DSCAM: variants seen among roughly 807,000 people sequenced by gnomAD.
DSCAM encodes cell adhesion molecule DSCAM.
In DSCAM, 47 loss-of-function variants were observed where a neutral mutation model predicts 217.7. The observed-to-expected ratio is 0.22, with a 90% CI of 0.17 to 0.28. DSCAM has a LOEUF of 0.28. Among genes scored for constraint, DSCAM ranks in the 10% least tolerant of loss-of-function variants. DSCAM has a pLI of 1.00. For synonymous variants in DSCAM, 1,056 were observed against 1,015.3 expected, an observed-to-expected ratio of 1.04 and a Z score of -0.76; for missense variants, 2,080 against 2,618.3, an observed-to-expected ratio of 0.79 and a Z score of 4.49.
chr21:40,615,575 C>T (rs1454223690), intron 3 of DSCAM: 1 of 152,116 alleles, frequency 6.6e-6, no homozygotes, highest in African/African-American at 2.4e-5. Context: ...CGAGATCTTT[C>T]ATTATTTTGA....
intron 1 of DSCAM, among the ~76,000 whole-genome samples, chr21:40,758,938 G>A (rs1422184442): frequency 6.6e-6 from 1 of 152,082 alleles, no homozygotes; most frequent in African/African-American, 2.4e-5. Context: ...CCCTTTATCT[G>A]ACCCACAACC....
At chr21:40,759,533 CCTAT>C (rs2091309461) in intron 1 of DSCAM, among the ~76,000 whole-genome samples, 2 of 152,188 alleles carry the variant, frequency 1.3e-5, no homozygotes, top group African/African-American at 4.8e-5. Context: ...AGCTGGCCTG[CCTAT>C]CTCTCTGTCC....
intron 15 of DSCAM, among the ~76,000 whole-genome samples, chr21:40,171,496 C>G (rs1428351120): frequency 6.6e-6 from 1 of 151,764 alleles, no homozygotes; most frequent in Non-Finnish European, 1.5e-5. Context: ...CCTACCAATG[C>G]TGCCATGATT....
At chr21:40,553,144 T>C (rs1048926822) in intron 3 of DSCAM, among the ~76,000 whole-genome samples, 2 of 152,240 alleles carry the variant, frequency 1.3e-5, no homozygotes, top group Admixed American at 6.5e-5. Context: ...ACAGTTTCTA[T>C]TGGTGGATTT....
chr21:40,476,415 A>G (rs758450673), intron 3 of DSCAM, among the ~76,000 whole-genome samples: 13 of 152,232 alleles, frequency 8.5e-5, no homozygotes, highest in Non-Finnish European at 1.0e-4. Flanking sequence ...TAATATGCAT[A>G]TATTGCATGC....
chr21:40,570,944 A>C (rs1486707850), intron 3 of DSCAM, among the ~76,000 whole-genome samples: 3 of 152,222 alleles, frequency 2.0e-5, no homozygotes, highest in Non-Finnish European at 4.4e-5. Context: ...ACAGGAGAAA[A>C]AATATTTTAA....
At chr21:40,323,814 A>C (rs564473694) in intron 8 of DSCAM, among the ~76,000 whole-genome samples, 1 of 152,220 alleles carries the variant, frequency 6.6e-6, no homozygotes, top group African/African-American at 2.4e-5. Flanking sequence ...ATAACAACGA[A>C]GTAAGGGGGC....
At chr21:40,361,363 G>A (rs529264639) in intron 4 of DSCAM, among the ~76,000 whole-genome samples, 1 of 152,316 alleles carries the variant, frequency 6.6e-6, no homozygotes, top group East Asian at 1.9e-4. Context: ...GCTCACGCCT[G>A]TAATCCCAGC....
At chr21:40,661,737 G>A (rs1203832544) in intron 3 of DSCAM, among the ~76,000 whole-genome samples, 2 of 152,164 alleles carry the variant, frequency 1.3e-5, no homozygotes, top group South Asian at 2.1e-4. Flanking sequence ...GGGAGAGCAG[G>A]AGGGAGGCCA....
intron 3 of DSCAM, among the ~76,000 whole-genome samples, chr21:40,606,558 A>T (rs1601783322): frequency 6.6e-6 from 1 of 152,342 alleles, no homozygotes; most frequent in East Asian, 1.9e-4. Context: ...CCTCCAACCC[A>T]GGCCAGCCCC....
In DSCAM at chr21:40,261,295, T is replaced by A. The variant is rs375557014; in HGVS notation, c.2356+14802A>T. ...GGGGGTGAGAAATCTTGCCCACATA[T>A]TTGGTCAAACATGATTCTATATGTA... On this transcript the variant is annotated intron_variant, in intron 11 of 32. Transcript: ENST00000400454. Among the ~76,000 whole-genome samples, 56 of 152,298 alleles carry A rather than the reference T, an allele frequency of 3.7e-4. 1 individual carries two copies. The South Asian group carries it at 5.8e-3, about 16-fold the overall frequency.
chr21:40,463,143 A>G (rs1296297628), intron 3 of DSCAM, among the ~76,000 whole-genome samples: 1 of 152,092 alleles, frequency 6.6e-6, no homozygotes, highest in South Asian at 2.1e-4. Flanking sequence ...GAGCATTGTA[A>G]TATACTTCCT....
At chr21:40,240,348 G>GGTTT (rs2073133231) in intron 11 of DSCAM, among the ~76,000 whole-genome samples, 1 of 43,852 alleles carries the variant, frequency 2.3e-5, no homozygotes, top group Non-Finnish European at 3.9e-5. Flanking sequence ...CTTCCTCACT[G>GGTTT]GTTTTTTTTT....
intron 1 of DSCAM, among the ~76,000 whole-genome samples, chr21:40,725,713 A>G (rs1476467658): frequency 1.3e-5 from 2 of 152,124 alleles, no homozygotes; most frequent in Non-Finnish European, 2.9e-5. Flanking sequence ...AGGTGCCATC[A>G]TTTCTGGGGT....
intron 1 of DSCAM, among the ~76,000 whole-genome samples, chr21:40,812,408 A>G (rs2123549230): frequency 6.6e-6 from 1 of 152,206 alleles, no homozygotes; most frequent in Admixed American, 6.5e-5. Context: ...CTACTGTCAC[A>G]CTGTGCCCAG....
At chr21:40,124,846 T>C (rs1366138139) in intron 19 of DSCAM, among the ~76,000 whole-genome samples, 1 of 152,198 alleles carries the variant, frequency 6.6e-6, no homozygotes, top group Non-Finnish European at 1.5e-5. Flanking sequence ...TAGGACCTAA[T>C]ACAGTCAGTT....
chr21:40,412,359 T>A (rs1353285197), intron 3 of DSCAM, among the ~76,000 whole-genome samples: 3 of 152,150 alleles, frequency 2.0e-5, no homozygotes, highest in Non-Finnish European at 4.4e-5. Flanking sequence ...CAGGAAAATA[T>A]GGGAAAGTTT....
intron 3 of DSCAM, among the ~76,000 whole-genome samples, chr21:40,469,297 G>A (rs1169595406): frequency 6.6e-6 from 1 of 152,064 alleles, no homozygotes; most frequent in Non-Finnish European, 1.5e-5. Context: ...ATGATGGATG[G>A]TATGTCCCGC....
chr21:40,107,344 C>G (rs545311328), intron 20 of DSCAM, among the ~76,000 whole-genome samples: 2 of 152,028 alleles, frequency 1.3e-5, no homozygotes, highest in South Asian at 4.1e-4. Flanking sequence ...GAGACTGTTA[C>G]GACTTCAGTT....
Sources: gnomAD v4.1 joint callset for allele counts (sites outside exome capture counted in the v4.1 genomes callset) on GRCh38, gnomAD v4.1.1 for gene constraint, MANE v1.5 for transcripts, NCBI Gene and HGNC (gene_info 2026-07-23, HGNC 2026-07-21) for gene names.